The following CCDC137 variants were observed in gnomAD, a reference collection of about 807,000 sequenced individuals.
CCDC137 encodes the protein coiled-coil domain containing 137, also known as coiled-coil domain-containing protein 137.
A neutral mutation model predicts 30.4 loss-of-function variants in CCDC137; 24 were observed. The ratio of observed to expected loss-of-function variants is 0.79; its 90% CI spans 0.57 to 1.11. CCDC137 has a LOEUF of 1.11. CCDC137 is among the 50% of genes least tolerant of loss of function. The pLI is 0.00. For synonymous variants in CCDC137, 182 were observed against 155.7 expected (o/e 1.17, Z -1.26); for missense variants, 417 against 380.4 (o/e 1.10, Z -0.80).
rs2036636495 is a variant in CCDC137 at position 81,666,810 on chromosome 17, CG to C, written c.47del (p.Gly16ValfsTer36). 1 of 1,425,070 alleles carries C rather than the reference CG, an allele frequency of 7.0e-7. No individual in the cohort carries two copies. Among genetic ancestry groups the C allele is most frequent in the African/African-American group, 1.5e-5 (1 of 67,342 alleles). The allele number at this position is 1,425,070 out of a possible 1,614,324, so 88.3% of individuals were successfully genotyped here. Reference sequence around the variant, plus strand: ...GGAGCAGCGGTGTCCAGGGTGCAGGCGGGTCCTGGGAGTCCCCGGCGAGCGC... The same window carrying C: ...GGAGCAGCGGTGTCCAGGGTGCAGGCGGTCCTGGGAGTCCCCGGCGAGCGC... ...GRGAAVSRVQ[A>X]GPGSPRRARG... On this transcript the variant is annotated frameshift_variant, in exon 1 of 6. Coordinates refer to ENST00000329214, the MANE Select transcript of CCDC137 (RefSeq NM_199287.3). LOFTEE classifies it high-confidence loss of function.
chr17:81,672,781 CA>C lies in CCDC137; in HGVS notation c.*78del. 7.4e-7 allele frequency: 1 copy of C among 1,346,706 alleles called. No homozygotes were observed. Among genetic ancestry groups the C allele is most frequent in the Non-Finnish European group, 1.0e-6 (1 of 997,272 alleles). The allele number at this position is 1,346,706 out of a possible 1,614,324, so 83.4% of individuals were successfully genotyped here. Reference sequence around the variant, plus strand: ...CTGCTACACCTGGGTAGGAGAGAGGCAGGCCATGCCAGCAGTGTGGGGTGAG... The same window carrying C: ...CTGCTACACCTGGGTAGGAGAGAGGCGGCCATGCCAGCAGTGTGGGGTGAG... On this transcript the variant is annotated 3_prime_UTR_variant, in exon 6 of 6. Coordinates refer to ENST00000329214, the MANE Select transcript of CCDC137 (RefSeq NM_199287.3).
At chr17:81,669,370 T>A (rs2036690619) in intron 2 of CCDC137, among the ~76,000 whole-genome samples, 1 of 145,110 alleles carries the variant, frequency 6.9e-6, no homozygotes. Context: ...GGTTTCGAAC[T>A]CTGGCCTCAG....
At chr17:81,668,166 G>A (rs1019783708) in intron 2 of CCDC137, among the ~76,000 whole-genome samples, 1 of 152,150 alleles carries the variant, frequency 6.6e-6, no homozygotes, top group Admixed American at 6.6e-5. Context: ...GTTTTTAGCA[G>A]GGCACGGCCA....
In CCDC137 at chr17:81,672,583, T is replaced by A; in HGVS notation, c.749T>A (p.Ile250Asn). 6.3e-7 allele frequency: 1 copy of A among 1,583,046 alleles called. No individual in the cohort carries two copies. The highest frequency in any genetic ancestry group is 2.3e-5 in the East Asian group (1 of 43,282). Reference sequence around the variant, plus strand: ...ACCGCCTCCCTGGCCCGCCAGCGGATTGTGGAGGAGGAGAGAGAGCGGGCC... The same window carrying A: ...ACCGCCTCCCTGGCCCGCCAGCGGAATGTGGAGGAGGAGAGAGAGCGGGCC... ...PLTASLARQRIVEEERERAVQ... is the reference protein window; with the variant it reads ...PLTASLARQRNVEEERERAVQ... Residue 250 changes from isoleucine to asparagine, a missense_variant, in exon 6 of 6, where the codon ATT becomes AAT. Transcript: ENST00000329214.
At position 81,672,839 on chromosome 17, in the gene CCDC137, T is replaced by A; in HGVS notation, c.*135T>A. On this transcript the variant is annotated 3_prime_UTR_variant, in exon 6 of 6. Transcript: ENST00000329214. ...AGCTACTTGTTCACACGTTGGGCACTAGTGGGTCCACATCTTGCAGGGGGT... is the reference window on the plus strand; with the variant it reads ...AGCTACTTGTTCACACGTTGGGCACAAGTGGGTCCACATCTTGCAGGGGGT... 1 of 819,202 alleles carries A rather than the reference T, an allele frequency of 1.2e-6. No homozygotes were observed. Among genetic ancestry groups the A allele is most frequent in the Non-Finnish European group, 1.9e-6 (1 of 534,756 alleles). The allele number at this position is 819,202 out of a possible 1,614,324, so 50.7% of individuals were successfully genotyped here.
chr17:81,668,717 T>C (rs2036682380), intron 2 of CCDC137, among the ~76,000 whole-genome samples: 1 of 152,134 alleles, frequency 6.6e-6, no homozygotes, highest in Non-Finnish European at 1.5e-5. Flanking sequence ...TATTTATTTA[T>C]TGAGATGGAG....
chr17:81,672,267 G>T (rs1204541962), intron 5 of CCDC137, 112 bp downstream of exon 5: 1 of 1,124,730 alleles, frequency 8.9e-7, no homozygotes, highest in Non-Finnish European at 1.3e-6. Context: ...CACATTGGGA[G>T]GCCAAGGCAG....
rs1320643787 is a variant in CCDC137, at chr17:81,672,803, G to A, written c.*99G>A. On this transcript the variant is annotated 3_prime_UTR_variant, in exon 6 of 6. Coordinates refer to ENST00000329214, the MANE Select transcript of CCDC137 (RefSeq NM_199287.3). The stretch of plus-strand genomic sequence containing the variant: ...AGGCAGGCCATGCCAGCAGTGTGGG[G>A]TGAGGCCTCCAGCTACTTGTTCACA... 5.2e-6 allele frequency: 6 copies of A among 1,153,872 alleles called. No homozygotes were observed. Among genetic ancestry groups the A allele is most frequent in the East Asian group, 2.6e-5 (1 of 38,708 alleles). The allele number at this position is 1,153,872 out of a possible 1,614,324, so 71.5% of individuals were successfully genotyped here. A position where few individuals can be genotyped will look rare whatever the true frequency, so the allele number is the denominator to read the frequency against.
chr17:81,672,068 T>G lies in CCDC137; in HGVS notation c.581-8T>G. On this transcript the variant is annotated splice_region_variant and splice_polypyrimidine_tract_variant and intron_variant, in intron 4 of 5. Coordinates refer to ENST00000329214, the MANE Select transcript of CCDC137 (RefSeq NM_199287.3). ...GCAGCAGTCCTCAGTTGTATTCTGCTCCTCCAGACACGGTGAAGTTTGGTG... is the reference window on the plus strand; with the variant it reads ...GCAGCAGTCCTCAGTTGTATTCTGCGCCTCCAGACACGGTGAAGTTTGGTG... 8 of 1,613,938 alleles carry G rather than the reference T, an allele frequency of 5.0e-6. No individual in the cohort carries two copies. Among genetic ancestry groups the G allele is most frequent in the Non-Finnish European group, 6.8e-6 (8 of 1,179,934 alleles).
In CCDC137 at chr17:81,667,797, G is replaced by T; in HGVS notation, c.203G>T (p.Arg68Leu). The T allele has an allele frequency of 6.2e-7, 1 of 1,613,006 alleles. No individual in the cohort carries two copies. The highest frequency in any genetic ancestry group is 8.5e-7 in the Non-Finnish European group (1 of 1,179,976). Residue 68 changes from arginine to leucine, a missense_variant, in exon 2 of 6, where the codon CGG (arginine) becomes CTG (leucine). Transcript: ENST00000329214. Reference protein sequence around the residue: ...QDEQEIPFRLREIMRSRQEMK... With the variant: ...QDEQEIPFRLLEIMRSRQEMK... ...GAACAGGAGATTCCTTTCCGGCTCC[G>T]GGAGATTATGAGGAGCCGCCAAGAG...
Position 81,672,574 on chromosome 17 carries a change from G to A in CCDC137, c.740G>A (p.Arg247His), listed in dbSNP as rs770218523. The part of the protein sequence containing the change: ...VSQPLTASLA[R>H]QRIVEEERER... ...CAGCCTCTGACCGCCTCCCTGGCCC[G>A]CCAGCGGATTGTGGAGGAGGAGAGA... is the stretch of plus-strand genomic sequence containing the variant. The change falls in exon 6 of 6, where the codon CGC becomes CAC. Residue 247 changes from arginine (R) to histidine (H), a missense_variant. Physicochemically the swap from Arg to His is conservative, Grantham distance 29. Transcript: ENST00000329214. The A allele has an allele frequency of 7.6e-6, 12 of 1,578,524 alleles. No individual in the cohort carries two copies. The highest frequency in any genetic ancestry group is 1.7e-4 in the Middle Eastern group (1 of 6,042).
In CCDC137 at chr17:81,673,866, A is replaced by G. The variant is rs1289780518; in HGVS notation, c.*1162A>G. On this transcript the variant is annotated 3_prime_UTR_variant, in exon 6 of 6. Transcript: ENST00000329214. ...TGTTTTCTGCCTTCCCCAAGTTTGC[A>G]CTTTCGACATTAAAGTTTACTTTTT... The G allele has an allele frequency of 6.6e-6, 1 of 152,230 alleles. No individual in the cohort carries two copies. Among genetic ancestry groups the G allele is most frequent in the Non-Finnish European group, 1.5e-5 (1 of 68,038 alleles). 9.4% of individuals were successfully genotyped at this position (152,230 alleles called of 1,614,324 possible).
chr17:81,673,829 C>T lies in CCDC137; in HGVS notation c.*1125C>T, dbSNP rs2036752310. On this transcript the variant is annotated 3_prime_UTR_variant, in exon 6 of 6. Transcript: ENST00000329214. The stretch of plus-strand genomic sequence containing the variant: ...CAACCTTCCAAGTGTGAAGTGACAG[C>T]CTTGTGTGTGATGTTTTCTGCCTTC... The T allele has an allele frequency of 6.6e-6, 1 of 152,234 alleles. No individual in the cohort carries two copies. The highest frequency in any genetic ancestry group is 2.4e-5 in the African/African-American group (1 of 41,460). The allele number at this position is 152,234 out of a possible 1,614,324, so 9.4% of individuals were successfully genotyped here.
intron 4 of CCDC137, 29 bp downstream of exon 4, chr17:81,671,855 C>CA: frequency 1.2e-6 from 2 of 1,611,364 alleles, no homozygotes; most frequent in Non-Finnish European, 1.7e-6. Context: ...ATGGTGTCAG[C>CA]AGTGGTCCGG....
intron 3 of CCDC137, 161 bp from the exon 4 acceptor site, chr17:81,671,583 G>T: frequency 3.2e-6 from 2 of 633,392 alleles, no homozygotes; most frequent in South Asian, 1.9e-5. Context: ...GGGCAGCTGT[G>T]GGTTTTGGGG....
At position 81,673,569 on chromosome 17, in the gene CCDC137, A is replaced by C. The variant is rs2036748630; in HGVS notation, c.*865A>C. 6.6e-6 allele frequency: 1 copy of C among 152,312 alleles called. No individual in the cohort carries two copies. The highest frequency in any genetic ancestry group is 1.5e-5 in the Non-Finnish European group (1 of 68,096). The allele number at this position is 152,312 out of a possible 1,614,324, so 9.4% of individuals were successfully genotyped here. ...TGAGGGCAGGGCCTTGCCAGGCTTC[A>C]GTCTCCAGTGCCAAAGGAGGAAATG... is the stretch of plus-strand genomic sequence containing the variant. On this transcript the variant is annotated 3_prime_UTR_variant, in exon 6 of 6. Transcript: ENST00000329214.
In CCDC137 at chr17:81,670,287, G is replaced by C; in HGVS notation, c.331G>C (p.Val111Leu). 1 of 1,614,050 alleles carries C rather than the reference G, an allele frequency of 6.2e-7. No individual in the cohort carries two copies. Among genetic ancestry groups the C allele is most frequent in the Non-Finnish European group, 8.5e-7 (1 of 1,180,038 alleles). ...AAAGGGAGAGGAGCCCGACATCGCA[G>C]TCCCCAAGTTCAAACAGAGGAAGGG... The part of the protein sequence containing the change: ...EAKGEEPDIA[V>L]PKFKQRKGES... The change falls in exon 3 of 6, where the codon GTC becomes CTC. Residue 111 changes from valine to leucine, a missense_variant. Physicochemically the swap from Val to Leu is conservative, Grantham distance 32. Transcript: ENST00000329214.
Position 81,672,380 on chromosome 17 carries a change from G to A in CCDC137, c.661-115G>A, listed in dbSNP as rs1447182334. ...TCAGCCAACGTGTGCGCTGTCTGGT[G>A]TGTGGCCTGAGAGTGCAGTGTTCTC... is the stretch of plus-strand genomic sequence containing the variant. On this transcript the variant is annotated intron_variant, in intron 5 of 5. Coordinates refer to ENST00000329214, the MANE Select transcript of CCDC137 (RefSeq NM_199287.3). 6.6e-6 allele frequency: 7 copies of A among 1,058,414 alleles called. No homozygotes were observed. In the African/African-American group the frequency reaches 9.6e-5, roughly 14 times the overall value. 65.6% of individuals were successfully genotyped at this position (1,058,414 alleles called of 1,614,324 possible).
intron 2 of CCDC137, among the ~76,000 whole-genome samples, chr17:81,669,474 CA>C (rs2036692089): frequency 6.6e-6 from 1 of 152,038 alleles, no homozygotes; most frequent in African/African-American, 2.4e-5. Flanking sequence ...TTTATGAACA[CA>C]ACCACCTGCC....
Sources: gnomAD v4.1 joint callset for allele counts (sites outside exome capture counted in the v4.1 genomes callset) on GRCh38, gnomAD v4.1.1 for gene constraint, MANE v1.5 for transcripts, NCBI Gene and HGNC (gene_info 2026-07-23, HGNC 2026-07-21) for gene names.